The following COL5A2 variants were observed in gnomAD, a reference collection of about 807,000 sequenced individuals.
COL5A2 encodes collagen alpha-2(V) chain.
COL5A2 carries 23 observed loss-of-function variants against 208.2 expected under a neutral mutation model. That is an observed-to-expected ratio of 0.11 (90% confidence interval 0.08 to 0.16). The LOEUF is 0.16. Ranked by LOEUF, COL5A2 falls within the 10% of genes least tolerant of loss-of-function variation. COL5A2 has a pLI of 1.00. For missense variants in COL5A2, 1,590 were observed against 1,956.4 expected, an observed-to-expected ratio of 0.81 and a Z score of 3.53; for synonymous variants, 625 against 628.5, an observed-to-expected ratio of 0.99 and a Z score of 0.08.
chr2:189,372,373 G>A, the COL5A2 span, among the ~76,000 whole-genome samples: 1 of 152,086 alleles, frequency 6.6e-6, no homozygotes, highest in Admixed American at 6.5e-5. Flanking sequence ...CAATTCAGTA[G>A]AACATTTAGT....
chr2:189,284,395 G>A, the COL5A2 span, among the ~76,000 whole-genome samples: 1 of 152,088 alleles, frequency 6.6e-6, no homozygotes, highest in African/African-American at 2.4e-5. Flanking sequence ...AGGAAGCATG[G>A]CTGGGAGGCC....
In COL5A2 at chr2:189,057,019, A is replaced by C. The variant is rs1198104925; in HGVS notation, c.2345T>G (p.Ile782Arg). 6.2e-7 allele frequency: 1 copy of C among 1,613,890 alleles called. No individual in the cohort carries two copies. Reference protein sequence around the residue: ...TPGPKGDRGGIGEKGAEGTAG... With the variant: ...TPGPKGDRGGRGEKGAEGTAG... ...TGTGCCTTCAGCACCTTTTTCTCCT[A>C]TGCCACCCTGGGAAAACACACAAAA... Residue 782 changes from isoleucine to arginine, a missense_variant, in exon 35 of 54, where the codon ATA becomes AGA. Coordinates refer to ENST00000374866, the MANE Select transcript of COL5A2 (RefSeq NM_000393.5).
intron 1 of COL5A2, among the ~76,000 whole-genome samples, chr2:189,164,549 G>GAGTCTTA (rs1461158775): frequency 2.6e-5 from 4 of 151,930 alleles, no homozygotes; most frequent in East Asian, 3.9e-4. Context: ...TTTCTATGGA[G>GAGTCTTA]AGTCTTATAT....
At chr2:189,159,950 A>AT (rs1261070314) in intron 1 of COL5A2, among the ~76,000 whole-genome samples, 1 of 152,030 alleles carries the variant, frequency 6.6e-6, no homozygotes, top group Non-Finnish European at 1.5e-5. Context: ...AGTAAATTGT[A>AT]TTTTTTCCTC....
At chr2:189,401,404 T>C in the COL5A2 span, among the ~76,000 whole-genome samples, 3 of 152,248 alleles carry the variant, frequency 2.0e-5, no homozygotes, top group Non-Finnish European at 4.4e-5. Context: ...CTCATTCCTT[T>C]TTATGGCTGA....
At chr2:189,274,670 T>G in the COL5A2 span, among the ~76,000 whole-genome samples, 3 of 152,116 alleles carry the variant, frequency 2.0e-5, no homozygotes, top group Non-Finnish European at 4.4e-5. Flanking sequence ...ATAAAGTGCT[T>G]AAGGAAAGTT....
chr2:189,319,213 C>T, the COL5A2 span, among the ~76,000 whole-genome samples: 3 of 152,226 alleles, frequency 2.0e-5, no homozygotes, highest in African/African-American at 7.2e-5. Flanking sequence ...ATAGGAACAG[C>T]TCCAGTCTAC....
chr2:189,085,690 C>T, intron 10 of COL5A2, 29 bp downstream of exon 10: 1 of 1,595,444 alleles, frequency 6.3e-7, no homozygotes, highest in Non-Finnish European at 8.6e-7. Context: ...CCAAATGTAA[C>T]TGGGTCTACA....
chr2:189,335,142 C>T, the COL5A2 span, among the ~76,000 whole-genome samples: 9 of 151,964 alleles, frequency 5.9e-5, 1 homozygote, highest in African/African-American at 1.9e-4. Context: ...AGTAAGAGAA[C>T]ATCTTCACGA....
the COL5A2 span, among the ~76,000 whole-genome samples, chr2:189,394,392 G>A: frequency 6.6e-6 from 1 of 152,122 alleles, no homozygotes; most frequent in East Asian, 1.9e-4. Context: ...CCAATGTGAT[G>A]GTATTTGGAT....
chr2:189,099,126 T>A (rs1482063130), intron 4 of COL5A2, among the ~76,000 whole-genome samples: 1 of 152,166 alleles, frequency 6.6e-6, no homozygotes, highest in Non-Finnish European at 1.5e-5. Flanking sequence ...GGTAATTACC[T>A]CCCTCATAGA....
At chr2:189,189,305 T>C (rs994214307) in intron 1 of COL5A2, among the ~76,000 whole-genome samples, 2 of 152,212 alleles carry the variant, frequency 1.3e-5, no homozygotes, top group Non-Finnish European at 2.9e-5. Context: ...TGATTAATAC[T>C]GAAAAACAGA....
At chr2:189,311,682 C>T in the COL5A2 span, 811 of 756,386 alleles carry the variant, frequency 1.1e-3, 7 homozygotes, top group African/African-American at 0.012. Flanking sequence ...ATCTCAGCAG[C>T]TCCAACCTCA....
At chr2:189,176,577 T>C (rs1688682142) in intron 1 of COL5A2, among the ~76,000 whole-genome samples, 1 of 152,162 alleles carries the variant, frequency 6.6e-6, no homozygotes, top group African/African-American at 2.4e-5. Flanking sequence ...CAAGAATATA[T>C]ATAGCTCACT....
chr2:189,383,798 T>C, the COL5A2 span, among the ~76,000 whole-genome samples: 1 of 152,140 alleles, frequency 6.6e-6, no homozygotes, highest in Admixed American at 6.6e-5. Flanking sequence ...TTGAAACATA[T>C]AATAAATTAT....
chr2:189,075,429 T>G lies in COL5A2; in HGVS notation c.1068A>C (p.Arg356=), dbSNP rs776008869. 2.5e-6 allele frequency: 4 copies of G among 1,606,270 alleles called. No homozygotes were observed. The highest frequency in any genetic ancestry group is 3.4e-6 in the Non-Finnish European group (4 of 1,173,292). ...GTTTTCCAGGCATACCATGTGCACC[T>G]CGTTGTCCCTAATTAAGAGAAAAAG... ...RLGPQGAPGQ[R]GAHGMPGKPG... Residue 356 remains arginine (R), a synonymous_variant, in exon 17 of 54, where the codon CGA becomes CGC. Transcript: ENST00000374866.
intron 18 of COL5A2, among the ~76,000 whole-genome samples, chr2:189,070,511 T>C (rs1465558596): frequency 9.9e-5 from 15 of 152,172 alleles, no homozygotes. Context: ...ACAGTTTTGC[T>C]AGATATTTGA....
At chr2:189,188,892 T>A (rs1039582075) in intron 1 of COL5A2, among the ~76,000 whole-genome samples, 1 of 152,208 alleles carries the variant, frequency 6.6e-6, no homozygotes, top group South Asian at 2.1e-4. Context: ...AGTGATATAT[T>A]TTTTTCATAT....
the COL5A2 span, among the ~76,000 whole-genome samples, chr2:189,424,248 A>C: frequency 6.6e-6 from 1 of 152,178 alleles, no homozygotes; most frequent in Non-Finnish European, 1.5e-5. Context: ...GGAAAAATTA[A>C]ACCTTTTCTT....
Sources: allele counts gnomAD v4.1 joint callset (sites outside exome capture counted in the v4.1 genomes callset), GRCh38; gene constraint gnomAD v4.1.1; transcripts MANE v1.5; gene names NCBI Gene and HGNC (gene_info 2026-07-23, HGNC 2026-07-21).